Variants in BMX observed in about 807,000 individuals in gnomAD.
The protein encoded by BMX is BMX non-receptor tyrosine kinase.
Under a neutral mutation model 59.2 loss-of-function variants are expected in BMX, and 31 were observed. That is an observed-to-expected ratio of 0.52 (90% CI 0.39 to 0.71). The LOEUF (loss-of-function observed/expected upper bound fraction) is 0.71. Ranked by LOEUF, BMX falls within the 30% of genes least tolerant of loss-of-function variation. The pLI is 0.00. For synonymous variants in BMX, 185 were observed against 181.0 expected, an observed-to-expected ratio of 1.02 and a Z score of -0.18; for missense variants, 474 against 491.7, an observed-to-expected ratio of 0.96 and a Z score of 0.34.
At chrX:15,536,235 A>C in intron 12 of BMX, 118 bp from the exon 13 acceptor site, 1 of 695,962 alleles carries the variant, frequency 1.4e-6, no homozygotes, top group Non-Finnish European at 2.2e-6. Flanking sequence ...GCATTACAAC[A>C]TTCTGAACTC....
At chrX:15,502,424 A>G (rs939968845) in intron 1 of BMX, among the ~76,000 whole-genome samples, 6 of 112,189 alleles carry the variant, frequency 5.3e-5, no homozygotes, top group African/African-American at 1.9e-4. Flanking sequence ...GAAAAGCTCT[A>G]TGGGGCACTG....
chrX:15,527,673 G>A (rs1924862433), intron 9 of BMX, among the ~76,000 whole-genome samples: 3 of 111,463 alleles, frequency 2.7e-5, no homozygotes, highest in African/African-American at 6.5e-5. Flanking sequence ...CATGTGAAAC[G>A]AGAGCTTTTA....
chrX:15,543,048 G>A (rs1485125594), intron 15 of BMX, 23 bp from the exon 16 acceptor site: 1 of 1,195,309 alleles, frequency 8.4e-7, no homozygotes, highest in Non-Finnish European at 1.1e-6. Context: ...TCACTACTTG[G>A]TGATTTTGTT....
At chrX:15,552,804 C>T (rs916275100) in intron 18 of BMX, among the ~76,000 whole-genome samples, 20 of 111,979 alleles carry the variant, frequency 1.8e-4, no homozygotes, top group Admixed American at 7.6e-4. Context: ...TTTGAAATAG[C>T]GGCAAAATAA....
intron 4 of BMX, among the ~76,000 whole-genome samples, chrX:15,512,949 G>A (rs938472309): frequency 1.8e-5 from 2 of 111,314 alleles, no homozygotes; most frequent in African/African-American, 3.3e-5. Context: ...GAAGACATAC[G>A]AAATGTAAAG....
intron 18 of BMX, among the ~76,000 whole-genome samples, chrX:15,553,238 T>C (rs1369249184): frequency 1.8e-5 from 2 of 112,333 alleles, no homozygotes; most frequent in Non-Finnish European, 3.8e-5. Flanking sequence ...GCAGAGTAGT[T>C]GATCTCACAC....
At chrX:15,533,108 A>G (rs1053324372) in intron 11 of BMX, among the ~76,000 whole-genome samples, 1 of 112,841 alleles carries the variant, frequency 8.9e-6, no homozygotes, top group Non-Finnish European at 1.9e-5. Context: ...AGCTGATTAA[A>G]CATTTGCAGC....
chrX:15,556,246 T>G lies in BMX; in HGVS notation c.*99T>G. 1 of 733,950 alleles carries G rather than the reference T, an allele frequency of 1.4e-6. No homozygotes were observed. The highest frequency in any genetic ancestry group is 2.0e-6 in the Non-Finnish European group (1 of 510,391). 60.5% of individuals were successfully genotyped at this position (733,950 alleles called of 1,213,427 possible). On this transcript the variant is annotated 3_prime_UTR_variant, in exon 19 of 19. Coordinates refer to ENST00000348343, the MANE Select transcript of BMX (RefSeq NM_203281.3). ...GCAAGGCATAATGTAATTTAGCTAG[T>G]TTTTAATAGTGTTCTCTGTATTGTC... is the stretch of plus-strand genomic sequence containing the variant.
intron 11 of BMX, among the ~76,000 whole-genome samples, chrX:15,532,469 TAGCC>T (rs1925128686): frequency 1.8e-5 from 2 of 111,875 alleles, no homozygotes; most frequent in Admixed American, 1.9e-4. Flanking sequence ...GGGCTTCCAA[TAGCC>T]AAGTCATGTT....
intron 6 of BMX, 151 bp downstream of exon 6, chrX:15,518,144 T>C: frequency 2.4e-6 from 1 of 411,648 alleles, no homozygotes; most frequent in Non-Finnish European, 4.1e-6. Flanking sequence ...CTATGGGTGG[T>C]ATTGAATAGC....
Position 15,531,332 on chromosome X carries a change from A to G in BMX, c.944A>G (p.Lys315Arg), listed in dbSNP as rs755553413. 1.1e-5 allele frequency: 13 copies of G among 1,200,156 alleles called. No individual in the cohort carries two copies. The highest frequency in any genetic ancestry group is 2.2e-5 in the Admixed American group (1 of 45,429). ...QSEQLLRQKG[K>R]EGAFMVRNSS... is the part of the protein sequence containing the mutation. ...TATATTTTCCTTCCTTTTCAGGGAA[A>G]AGAAGGAGCATTTATGGTTAGAAAT... Residue 315 changes from lysine to arginine, a missense_variant, in exon 11 of 19, where the codon AAA (lysine) becomes AGA (arginine). By Grantham distance (26) the Lys-to-Arg change is conservative. Transcript: ENST00000348343.
At chrX:15,510,050 G>C (rs755956566) in intron 3 of BMX, among the ~76,000 whole-genome samples, 1 of 111,874 alleles carries the variant, frequency 8.9e-6, no homozygotes, top group Admixed American at 9.5e-5. Flanking sequence ...CACATTTAGA[G>C]AGCACTAAGT....
intron 11 of BMX, 22 bp downstream of exon 11, chrX:15,531,429 T>G: frequency 2.7e-6 from 3 of 1,115,620 alleles, no homozygotes; most frequent in Non-Finnish European, 3.7e-6. Flanking sequence ...ACGGATTAAT[T>G]TCTTTTCTCT....
At chrX:15,513,358 A>T (rs1374774254) in intron 4 of BMX, among the ~76,000 whole-genome samples, 3 of 111,953 alleles carry the variant, frequency 2.7e-5, no homozygotes, top group African/African-American at 9.7e-5. Context: ...TCTGATGGCC[A>T]TTGATGTGTA....
chrX:15,534,214 A>T lies in BMX; in HGVS notation c.1022A>T (p.Asp341Val). 19 of 1,155,590 alleles carry T rather than the reference A, an allele frequency of 1.6e-5. 1 individual carries two copies. The highest frequency in any genetic ancestry group is 2.1e-5 in the Non-Finnish European group (18 of 864,801). Residue 341 changes from aspartate (D) to valine (V), a missense_variant and splice_region_variant, in exon 12 of 19, where the codon GAT becomes GTT. By Grantham distance (152) the Asp-to-Val change is radical (BLOSUM62 -3). Transcript: ENST00000348343. ...TCTAACATTCTTTCTGTTACTAGTG[A>T]TAAAAAAGGAACTGTCAAACATTAC... ...TVSLFSKAVN[D>V]KKGTVKHYHV...
chrX:15,531,757 A>T (rs1052163357), intron 11 of BMX, among the ~76,000 whole-genome samples: 1 of 111,281 alleles, frequency 9.0e-6, no homozygotes, highest in South Asian at 3.8e-4. Context: ...AAAAAATAGC[A>T]ATGGAGCGTC....
At chrX:15,513,069 C>A (rs1469991981) in intron 4 of BMX, among the ~76,000 whole-genome samples, 1 of 112,594 alleles carries the variant, frequency 8.9e-6, no homozygotes, top group Non-Finnish European at 1.9e-5. Flanking sequence ...TCTCTATGCA[C>A]AGTAAGTGGT....
At chrX:15,513,197 G>A (rs1158175511) in intron 4 of BMX, among the ~76,000 whole-genome samples, 1 of 112,096 alleles carries the variant, frequency 8.9e-6, no homozygotes, top group African/African-American at 3.2e-5. Flanking sequence ...AGTCAGTCAA[G>A]GGCTAGTGCA....
chrX:15,537,363 A>T, intron 14 of BMX, 58 bp downstream of exon 14: 2 of 1,158,490 alleles, frequency 1.7e-6, no homozygotes, highest in Non-Finnish European at 2.3e-6. Flanking sequence ...CATTAGCACT[A>T]ATAGGCCTGC....
Sources: gnomAD v4.1 joint callset for allele counts (sites outside exome capture counted in the v4.1 genomes callset) on GRCh38, gnomAD v4.1.1 for gene constraint, MANE v1.5 for transcripts, NCBI Gene and HGNC (gene_info 2026-07-23, HGNC 2026-07-21) for gene names.